ZBTB11: variants seen among roughly 807,000 people sequenced by gnomAD.
ZBTB11 encodes zinc finger and BTB domain-containing protein 11.
In ZBTB11, 68 loss-of-function variants were observed where a neutral mutation model predicts 113.1. The observed-to-expected ratio is 0.60, with a 90% CI of 0.49 to 0.74. The LOEUF is 0.74. ZBTB11 is among the 30% of genes least tolerant of loss of function. ZBTB11 has a pLI of 0.00. For synonymous variants in ZBTB11, 518 were observed against 452.6 expected (o/e 1.14, Z -1.83); for missense variants, 1,104 against 1,279.4 (o/e 0.86, Z 2.09).
rs772149847 is a variant in ZBTB11 at position 101,676,732 on chromosome 3, C to T, written c.183G>A (p.Glu61=). The part of the protein sequence containing the change: ...RRQRHRKTFA[E]LEVVLQPERR... ...GCTCCGGCTGCAGCACCACCTCCAG[C>T]TCCGCGAAGGTCTTGCGGTGCCGCT... is the stretch of plus-strand genomic sequence containing the variant. Residue 61 remains glutamate (E), a synonymous_variant, in exon 1 of 11, where the codon GAG becomes GAA. Coordinates refer to ENST00000312938, the MANE Select transcript of ZBTB11 (RefSeq NM_014415.4). 17 of 1,603,472 alleles carry T rather than the reference C, an allele frequency of 1.1e-5. No individual in the cohort carries two copies. The highest frequency in any genetic ancestry group is 4.0e-5 in the African/African-American group (3 of 74,758).
At chr3:101,671,442 A>G (rs1349687750) in intron 2 of ZBTB11, 81 bp from the exon 3 acceptor site, 1 of 950,344 alleles carries the variant, frequency 1.1e-6, no homozygotes, top group East Asian at 2.4e-5. Context: ...AAGACACATT[A>G]CATATTACCT....
Position 101,664,568 on chromosome 3 carries a change from T to A in ZBTB11, c.1770A>T (p.Lys590Asn). The A allele has an allele frequency of 6.2e-7, 1 of 1,606,884 alleles. No homozygotes were observed. Among genetic ancestry groups the A allele is most frequent in the Non-Finnish European group, 8.5e-7 (1 of 1,178,294 alleles). Residue 590 changes from lysine (K) to asparagine (N), a missense_variant, in exon 5 of 11, where the codon AAA becomes AAT. This residue lies in a region of ZBTB11 where 535 missense variants were observed against 518.6 expected (regional missense o/e 1.03). Coordinates refer to ENST00000312938, the MANE Select transcript of ZBTB11 (RefSeq NM_014415.4). Reference sequence around the variant, plus strand: ...ATTTGTAATCTCTAGCTCTTTCATGTTTCAGTTTGTGCATTATAAGGGCGT... The same window carrying A: ...ATTTGTAATCTCTAGCTCTTTCATGATTCAGTTTGTGCATTATAAGGGCGT... ...RRYALIMHKL[K>N]HERARDYKCP...
chr3:101,651,567 C>T lies in ZBTB11; in HGVS notation c.2761G>A (p.Glu921Lys), dbSNP rs750732654. ...ERPYVCPVCS[E>K]AYIDARTLRK... Reference sequence around the variant, plus strand: ...AGTGTTCGAGCATCTATGTAGGCTTCGCTACATACAGGACAGACATAGGGC... The same window carrying T: ...AGTGTTCGAGCATCTATGTAGGCTTTGCTACATACAGGACAGACATAGGGC... The change falls in exon 11 of 11, where the codon GAA becomes AAA. Residue 921 changes from glutamate to lysine, a missense_variant. By Grantham distance (56) the Glu-to-Lys change is moderately conservative. Transcript: ENST00000312938. 6 of 1,613,930 alleles carry T rather than the reference C, an allele frequency of 3.7e-6. No individual in the cohort carries two copies. The highest frequency in any genetic ancestry group is 2.2e-5 in the South Asian group (2 of 91,068).
chr3:101,664,697 A>T lies in ZBTB11; in HGVS notation c.1641T>A (p.Val547=). ...GCTGTTTCATCTTTTTTCCTCTTTG[A>T]ACTAACTTCTGAGCCACCTAGTAAG... ...SAVQQVAQKL[V]QRGKKMKQPK... is the part of the protein sequence containing the mutation. The change falls in exon 5 of 11, where the codon GTT becomes GTA. Residue 547 remains valine, a synonymous_variant. Transcript: ENST00000312938. 6.2e-7 allele frequency: 1 copy of T among 1,607,568 alleles called. No homozygotes were observed. The highest frequency in any genetic ancestry group is 8.5e-7 in the Non-Finnish European group (1 of 1,178,234).
At chr3:101,671,540 G>A (rs1937085654) in intron 2 of ZBTB11, 179 bp from the exon 3 acceptor site, 1 of 603,048 alleles carries the variant, frequency 1.7e-6, no homozygotes, top group South Asian at 2.2e-5. Flanking sequence ...TTTCTGCCAT[G>A]TTCATTCTAC....
intron 2 of ZBTB11, 66 bp downstream of exon 2, chr3:101,671,912 C>G: frequency 7.7e-7 from 1 of 1,300,352 alleles, no homozygotes; most frequent in Non-Finnish European, 1.1e-6. Flanking sequence ...AAAAATAAGT[C>G]ACCAAGGCTG....
intron 5 of ZBTB11, among the ~76,000 whole-genome samples, chr3:101,662,670 AATT>A (rs1205470901): frequency 1.3e-5 from 2 of 152,136 alleles, no homozygotes; most frequent in African/African-American, 4.8e-5. Flanking sequence ...TTGTAAACGT[AATT>A]TTTTCATTTA....
intron 5 of ZBTB11, among the ~76,000 whole-genome samples, chr3:101,663,940 C>T (rs1936936538): frequency 1.3e-5 from 2 of 151,900 alleles, no homozygotes; most frequent in South Asian, 4.2e-4. Flanking sequence ...AGCTTTTACT[C>T]TTCCCTGTTT....
In ZBTB11 at chr3:101,654,841, C is replaced by A. The variant is rs376235531; in HGVS notation, c.2192-20G>T. 8.5e-5 allele frequency: 135 copies of A among 1,593,726 alleles called. 2 individuals carry two copies. The highest frequency in any genetic ancestry group is 6.7e-4 in the Middle Eastern group (4 of 5,998). ...ACTCTCCTATTAGAAAAAATTAAAACCCTGTCACATATCCAGCAATCAGTC... is the reference window on the plus strand; with the variant it reads ...ACTCTCCTATTAGAAAAAATTAAAAACCTGTCACATATCCAGCAATCAGTC... On this transcript the variant is annotated intron_variant, in intron 7 of 10. Coordinates refer to ENST00000312938, the MANE Select transcript of ZBTB11 (RefSeq NM_014415.4).
intron 10 of ZBTB11, among the ~76,000 whole-genome samples, chr3:101,651,983 G>C (rs569920894): frequency 9.5e-4 from 145 of 152,166 alleles, no homozygotes; most frequent in East Asian, 1.4e-3. Context: ...ACAAAAATTA[G>C]CCCAGCGTGG....
At chr3:101,670,824 C>T (rs975883576) in intron 3 of ZBTB11, 13 of 276,670 alleles carry the variant, frequency 4.7e-5, no homozygotes, top group Non-Finnish European at 8.2e-5. Flanking sequence ...ATAACATATT[C>T]ATTTAATGTA....
At chr3:101,663,422 C>T (rs1426090214) in intron 5 of ZBTB11, among the ~76,000 whole-genome samples, 1 of 152,176 alleles carries the variant, frequency 6.6e-6, no homozygotes, top group Non-Finnish European at 1.5e-5. Context: ...TCCCTAATAT[C>T]TGTTCATATT....
intron 7 of ZBTB11, 152 bp downstream of exon 7, chr3:101,655,952 C>T (rs147627210): frequency 1.6e-4 from 96 of 594,442 alleles, no homozygotes; most frequent in African/African-American, 1.5e-3. Context: ...TGAGCCACCG[C>T]GCCCAGCCTG....
At position 101,651,199 on chromosome 3, in the gene ZBTB11, T is replaced by G; in HGVS notation, c.3129A>C (p.Lys1043Asn). 1 of 1,605,928 alleles carries G rather than the reference T, an allele frequency of 6.2e-7. No homozygotes were observed. Among genetic ancestry groups the G allele is most frequent in the Non-Finnish European group, 8.5e-7 (1 of 1,176,828 alleles). ...SEVAEAIQTVKVEVAHISGGE is the reference protein window; with the variant it reads ...SEVAEAIQTVNVEVAHISGGE Reference sequence around the variant, plus strand: ...CTCCTGAAATATGTGCTACCTCTACTTTAACAGTTTGAATAGCTTCTGCAA... The same window carrying G: ...CTCCTGAAATATGTGCTACCTCTACGTTAACAGTTTGAATAGCTTCTGCAA... Residue 1043 changes from lysine to asparagine, a missense_variant, in exon 11 of 11, where the codon AAA (lysine) becomes AAC (asparagine). Coordinates refer to ENST00000312938, the MANE Select transcript of ZBTB11 (RefSeq NM_014415.4).
intron 3 of ZBTB11, among the ~76,000 whole-genome samples, chr3:101,670,221 A>G (rs992344023): frequency 8.5e-5 from 13 of 152,250 alleles, no homozygotes; most frequent in Non-Finnish European, 1.9e-4. Flanking sequence ...GCATAAAAGG[A>G]TAAGTGGTTA....
intron 8 of ZBTB11, among the ~76,000 whole-genome samples, chr3:101,654,287 C>T (rs1400124393): frequency 1.3e-5 from 2 of 152,090 alleles, no homozygotes; most frequent in Non-Finnish European, 2.9e-5. Flanking sequence ...ATGATCTGCC[C>T]GCCTTGGCCT....
chr3:101,651,237 T>C lies in ZBTB11; in HGVS notation c.3091A>G (p.Lys1031Glu), dbSNP rs191128900. 9 of 1,613,636 alleles carry C rather than the reference T, an allele frequency of 5.6e-6. No homozygotes were observed. Among genetic ancestry groups the C allele is most frequent in the Non-Finnish European group, 6.8e-6 (8 of 1,179,868 alleles). Residue 1031 changes from lysine (K) to glutamate (E), a missense_variant, in exon 11 of 11, where the codon AAG becomes GAG. Coordinates refer to ENST00000312938, the MANE Select transcript of ZBTB11 (RefSeq NM_014415.4). ...NYVLAQQQGQ[K>E]LSEVAEAIQT... ...ATAGCTTCTGCAACTTCAGATAGCT[T>C]CTGTCCTTGCTGTTGTGCTAATACA...
At position 101,652,568 on chromosome 3, in the gene ZBTB11, G is replaced by A. The variant is rs533679176; in HGVS notation, c.2572C>T (p.Arg858Trp). Residue 858 changes from arginine to tryptophan, a missense_variant, in exon 10 of 11, where the codon CGG (arginine) becomes TGG (tryptophan). Transcript: ENST00000312938. ...KKGRAKQNLE[R>W]VCEKCGRKFT... is the part of the protein sequence containing the mutation. ...TTTCTTCCACATTTTTCACACACCC[G>A]TTCCAGGTTTTGCTTTGCTCTTCCT... 8.7e-6 allele frequency: 14 copies of A among 1,614,036 alleles called. No individual in the cohort carries two copies. The highest frequency in any genetic ancestry group is 1.2e-5 in the Non-Finnish European group (14 of 1,179,996).
At chr3:101,655,277 A>G (rs187350533) in intron 7 of ZBTB11, among the ~76,000 whole-genome samples, 1 of 152,328 alleles carries the variant, frequency 6.6e-6, no homozygotes, top group African/African-American at 2.4e-5. Context: ...ACAATAACCC[A>G]TGTCAAAATC....
Sources: gnomAD v4.1 joint callset for allele counts (sites outside exome capture counted in the v4.1 genomes callset) on GRCh38, gnomAD v4.1.1 for gene constraint, gnomAD v4.1.1 regional missense constraint, MANE v1.5 for transcripts, NCBI Gene and HGNC (gene_info 2026-07-23, HGNC 2026-07-21) for gene names.